Variants in PTPRK observed in about 807,000 individuals in gnomAD.
The protein encoded by PTPRK is protein tyrosine phosphatase receptor type K.
A neutral mutation model predicts 178.0 loss-of-function variants in PTPRK; 75 were observed. That is an observed-to-expected ratio of 0.42 (90% CI 0.35 to 0.51). PTPRK has a LOEUF of 0.51. Among genes scored for constraint, PTPRK ranks in the 20% least tolerant of loss-of-function variants. The probability of loss-of-function intolerance (pLI) is 0.02; values close to 1 mark genes in which losing one functional copy is unlikely to be tolerated. For missense variants in PTPRK, 1,441 were observed against 1,797.8 expected (o/e 0.80, Z 3.59); for synonymous variants, 637 against 620.6 (o/e 1.03, Z -0.39).
At chr6:128,339,879 T>C (rs1831435256) in intron 2 of PTPRK, among the ~76,000 whole-genome samples, 1 of 152,126 alleles carries the variant, frequency 6.6e-6, no homozygotes, top group African/African-American at 2.4e-5. Flanking sequence ...CTTTTATAGG[T>C]AGCTGTAGTC....
chr6:128,292,273 C>T (rs1465296221), intron 3 of PTPRK, among the ~76,000 whole-genome samples: 1 of 152,026 alleles, frequency 6.6e-6, no homozygotes, highest in African/African-American at 2.4e-5. Flanking sequence ...TTGTATTCCA[C>T]ATATTTCTCA....
intron 3 of PTPRK, among the ~76,000 whole-genome samples, chr6:128,302,700 A>G (rs897818291): frequency 1.3e-5 from 2 of 151,814 alleles, no homozygotes; most frequent in South Asian, 4.2e-4. Context: ...TGCAGGCTCA[A>G]TTTTCTGGCT....
At chr6:128,031,045 T>A (rs750536038) in intron 13 of PTPRK, among the ~76,000 whole-genome samples, 1 of 152,164 alleles carries the variant, frequency 6.6e-6, no homozygotes, top group African/African-American at 2.4e-5. Context: ...CACTATCACA[T>A]CTGTGAAACT....
chr6:128,453,886 G>C (rs1848091156), intron 1 of PTPRK, among the ~76,000 whole-genome samples: 1 of 152,094 alleles, frequency 6.6e-6, no homozygotes, highest in South Asian at 2.1e-4. Context: ...CTTCCACCTT[G>C]CCATTAAAAA....
chr6:128,017,802 G>GTATA (rs34836605), intron 13 of PTPRK, among the ~76,000 whole-genome samples: 20,935 of 100,718 alleles, frequency 0.21, 2,511 homozygotes, highest in Non-Finnish European at 0.27. Context: ...ATATATATGT[G>GTATA]TATATATATA....
intron 11 of PTPRK, among the ~76,000 whole-genome samples, chr6:128,075,209 CAGGGACT>C (rs1203978080): frequency 6.6e-6 from 1 of 151,998 alleles, no homozygotes; most frequent in East Asian, 1.9e-4. Flanking sequence ...GCACTTCTCA[CAGGGACT>C]ACTCCAGCCT....
intron 3 of PTPRK, among the ~76,000 whole-genome samples, chr6:128,253,007 G>A (rs1816723821): frequency 6.6e-6 from 1 of 152,138 alleles, no homozygotes; most frequent in South Asian, 2.1e-4. Flanking sequence ...TAAGTGTGGT[G>A]AAGCTGCCTG....
chr6:128,267,104 T>C (rs1464828224), intron 3 of PTPRK, among the ~76,000 whole-genome samples: 2 of 152,112 alleles, frequency 1.3e-5, no homozygotes, highest in Non-Finnish European at 2.9e-5. Context: ...AAGGCTCATA[T>C]ATTAATGCTG....
chr6:127,983,054 C>T, intron 23 of PTPRK, 74 bp from the exon 24 acceptor site: 1 of 1,467,250 alleles, frequency 6.8e-7, no homozygotes, highest in East Asian at 2.3e-5. Context: ...TTAGGAAATA[C>T]AGAAAATTTT....
chr6:128,336,125 A>G (rs1453535127), intron 2 of PTPRK, among the ~76,000 whole-genome samples: 1 of 152,170 alleles, frequency 6.6e-6, no homozygotes, highest in African/African-American at 2.4e-5. Flanking sequence ...TTCCTTCAAC[A>G]AAACATTCCT....
chr6:127,991,513 C>G (rs1776603697), intron 19 of PTPRK, 122 bp from the exon 20 acceptor site: 2 of 559,654 alleles, frequency 3.6e-6, no homozygotes, highest in Non-Finnish European at 5.6e-6. Flanking sequence ...CACAAAATGT[C>G]ACTGAAAATA....
At position 128,191,148 on chromosome 6, in the gene PTPRK, G is replaced by A. The variant is rs141570301; in HGVS notation, c.869-6423C>T. Among the ~76,000 whole-genome samples the A allele has an allele frequency of 5.4e-3, 824 of 152,130 alleles. 5 individuals carry two copies. The highest frequency in any genetic ancestry group is 7.8e-3 in the Non-Finnish European group (529 of 67,984). ...AAACTTTAGATAAAAGGGGAAAAAA[G>A]AATTACAAATAATAAAGTATCTATT... On this transcript the variant is annotated intron_variant, in intron 6 of 29. Transcript: ENST00000368226.
chr6:128,003,960 T>C (rs1440249751), intron 15 of PTPRK, among the ~76,000 whole-genome samples: 5 of 152,018 alleles, frequency 3.3e-5, no homozygotes, highest in African/African-American at 4.8e-5. Context: ...TAGAAAATGA[T>C]GGGCTTCATT....
At chr6:128,308,566 A>G (rs985929119) in intron 3 of PTPRK, among the ~76,000 whole-genome samples, 11 of 152,192 alleles carry the variant, frequency 7.2e-5, no homozygotes, top group African/African-American at 2.7e-4. Context: ...GGAAGGAAGG[A>G]GAGTCCAATA....
chr6:128,462,759 G>A (rs928221222), intron 1 of PTPRK, among the ~76,000 whole-genome samples: 4 of 151,666 alleles, frequency 2.6e-5, no homozygotes, highest in African/African-American at 7.3e-5. Context: ...GGGTTCAAGC[G>A]ATTCTCCTGC....
rs1229276797 is a variant in PTPRK, at chr6:128,240,062, A to C, written c.666T>G (p.Asp222Glu). 1.7e-5 allele frequency: 27 copies of C among 1,613,964 alleles called. No homozygotes were observed. Among genetic ancestry groups the C allele is most frequent in the Non-Finnish European group, 2.2e-5 (26 of 1,179,964 alleles). Residue 222 changes from aspartate to glutamate, a missense_variant, in exon 5 of 30, where the codon GAT becomes GAG. Coordinates refer to ENST00000368226, the MANE Select transcript of PTPRK (RefSeq NM_002844.4). Reference sequence around the variant, plus strand: ...GGAGCCATAACTTGTTATGCACAGCATCTCTCCCTGTGGCAATGCACTGAA... The same window carrying C: ...GGAGCCATAACTTGTTATGCACAGCCTCTCTCCCTGTGGCAATGCACTGAA... ...ATFQCIATGR[D>E]AVHNKLWLQR...
intron 15 of PTPRK, chr6:128,000,041 G>A: frequency 4.2e-6 from 4 of 962,080 alleles, no homozygotes; most frequent in Non-Finnish European, 4.9e-6. Context: ...ATTACAACGA[G>A]AAGCATGCTC....
chr6:128,121,628 T>C (rs1054482403), intron 7 of PTPRK, among the ~76,000 whole-genome samples: 1 of 152,048 alleles, frequency 6.6e-6, no homozygotes, highest in East Asian at 1.9e-4. Flanking sequence ...ATTTTGCATA[T>C]GAAACTAAGG....
intron 2 of PTPRK, among the ~76,000 whole-genome samples, chr6:128,374,430 A>G (rs1395842188): frequency 6.6e-6 from 1 of 152,112 alleles, no homozygotes; most frequent in Non-Finnish European, 1.5e-5. Flanking sequence ...CAAACTTAAC[A>G]TCTCTAAAAC....
Sources: gnomAD v4.1 joint callset for allele counts (sites outside exome capture counted in the v4.1 genomes callset) on GRCh38, gnomAD v4.1.1 for gene constraint, MANE v1.5 for transcripts, NCBI Gene and HGNC (gene_info 2026-07-23, HGNC 2026-07-21) for gene names.